The following ABCF1 variants were observed in gnomAD, a reference collection of about 807,000 sequenced individuals.
The protein encoded by ABCF1 is ATP-binding cassette sub-family F member 1.
In ABCF1, 73 loss-of-function variants were observed where a neutral mutation model predicts 126.3. That is an observed-to-expected ratio of 0.58 (90% CI 0.48 to 0.70). ABCF1 has a LOEUF of 0.70. ABCF1 is among the 30% of genes least tolerant of loss of function. The probability of loss-of-function intolerance (pLI) is 0.00; values close to 1 mark genes in which losing one functional copy is unlikely to be tolerated. For synonymous variants in ABCF1, 345 were observed against 396.4 expected (o/e 0.87, Z 1.54); for missense variants, 786 against 1,057.5 (o/e 0.74, Z 3.56).
intron 22 of ABCF1, 68 bp downstream of exon 22, chr6:30,590,042 G>T: frequency 6.2e-7 from 1 of 1,606,008 alleles, no homozygotes; most frequent in Non-Finnish European, 8.5e-7. Context: ...TGTACCTAGA[G>T]GAACCGAGAA....
At chr6:30,582,345 C>G (rs780347428) in intron 8 of ABCF1, 49 bp from the exon 9 acceptor site, 4 of 1,258,298 alleles carry the variant, frequency 3.2e-6, no homozygotes, top group Non-Finnish European at 4.5e-6. Flanking sequence ...CGTGAGCCAC[C>G]GCGCCCAGCC....
Position 30,590,923 on chromosome 6 carries a change from G to T in ABCF1, c.*222G>T, listed in dbSNP as rs1042574348. The T allele has an allele frequency of 6.7e-5, 34 of 504,896 alleles. 1 individual carries two copies. In the Admixed American group the frequency reaches 8.5e-4, roughly 13 times the overall value. 31.3% of individuals were successfully genotyped at this position (504,896 alleles called of 1,614,324 possible). The stretch of plus-strand genomic sequence containing the variant: ...CTGCTTCTCTTCATATAACTGAGCT[G>T]GCCTTATCCTTGGCATCCCCCTAAA... On this transcript the variant is annotated 3_prime_UTR_variant, in exon 25 of 25. Transcript: ENST00000326195.
At chr6:30,576,772 A>G (rs1418964037) in intron 1 of ABCF1, among the ~76,000 whole-genome samples, 1 of 152,142 alleles carries the variant, frequency 6.6e-6, no homozygotes, top group Non-Finnish European at 1.5e-5. Flanking sequence ...GATCATACCA[A>G]TAAAGTCCCC....
At chr6:30,581,215 C>A (rs994265003) in intron 8 of ABCF1, among the ~76,000 whole-genome samples, 12 of 152,046 alleles carry the variant, frequency 7.9e-5, no homozygotes, top group Non-Finnish European at 7.4e-5. Flanking sequence ...TGATCTGGGT[C>A]CTGGCTCTGC....
chr6:30,585,439 G>A, intron 15 of ABCF1, 96 bp downstream of exon 15: 1 of 1,573,194 alleles, frequency 6.4e-7, no homozygotes, highest in African/African-American at 1.4e-5. Flanking sequence ...CACTGTGCCT[G>A]TGAGTGGAGC....
Position 30,583,137 on chromosome 6 carries a change from G to C in ABCF1, c.864G>C (p.Gln288His), listed in dbSNP as rs372699135. The C allele has an allele frequency of 7.4e-6, 12 of 1,611,440 alleles. No individual in the cohort carries two copies. In the African/African-American group the frequency reaches 1.6e-4, roughly 22 times the overall value. Residue 288 changes from glutamine to histidine, a missense_variant, in exon 10 of 25, where the codon CAG (glutamine) becomes CAC (histidine). Around this residue, in one of 4 missense-constraint regions of ABCF1, gnomAD observed 163 missense variants for 255.3 expected, o/e 0.64. Transcript: ENST00000326195. This position sits in a 1 kb window ranked among gnomAD's most constrained non-coding sequence, Gnocchi z 4.1. ...NAAENDFSVSQAEMSSRQAML... is the reference protein window; with the variant it reads ...NAAENDFSVSHAEMSSRQAML... ...CTGAAAATGACTTCTCCGTGTCCCA[G>C]GCGGAGATGTCCTCCCGCCAAGCCA... is the stretch of plus-strand genomic sequence containing the variant.
chr6:30,586,774 A>G lies in ABCF1; in HGVS notation c.2031+63A>G. On this transcript the variant is annotated intron_variant, in intron 20 of 24. Transcript: ENST00000326195. The surrounding 1 kb of genome is among the most constrained non-coding windows in gnomAD (Gnocchi z 4.9). ...GTGAAGACACAGCTGCTTTTGCCAG[A>G]AGCTGGAATCAGGGAGCCTCTCGAG... The G allele has an allele frequency of 6.4e-7, 1 of 1,561,644 alleles. No individual in the cohort carries two copies. Among genetic ancestry groups the G allele is most frequent in the East Asian group, 2.2e-5 (1 of 44,584 alleles).
chr6:30,585,459 A>G, intron 15 of ABCF1, 99 bp from the exon 16 acceptor site: 1 of 1,570,210 alleles, frequency 6.4e-7, no homozygotes, highest in Non-Finnish European at 8.7e-7. Flanking sequence ...CTCTATTCAG[A>G]CCCCCCTTTC....
rs772111032 is a variant in ABCF1 at position 30,589,841 on chromosome 6, G to A, written c.2100G>A (p.Gln700=). ...TCTTCAACCAGCAGTATGCAGAGCAGCTGCGCATGGAGGAGACGCCCACTG... is the reference window on the plus strand; with the variant it reads ...TCTTCAACCAGCAGTATGCAGAGCAACTGCGCATGGAGGAGACGCCCACTG... The part of the protein sequence containing the change: ...IGFFNQQYAE[Q]LRMEETPTEY... Residue 700 remains glutamine (Q), a synonymous_variant, in exon 22 of 25, where the codon CAG becomes CAA. Transcript: ENST00000326195. 1.2e-6 allele frequency: 2 copies of A among 1,614,074 alleles called. No individual in the cohort carries two copies. Among genetic ancestry groups the A allele is most frequent in the African/African-American group, 2.7e-5 (2 of 74,938 alleles).
chr6:30,578,109 C>T lies in ABCF1; in HGVS notation c.250C>T (p.Arg84Trp), dbSNP rs758747187. 3.5e-5 allele frequency: 56 copies of T among 1,613,636 alleles called. No homozygotes were observed. The highest frequency in any genetic ancestry group is 3.6e-5 in the Non-Finnish European group (43 of 1,179,932). ...AAAGCGAGATACCCGAAAAGGCAGG[C>T]GGAAGAAGGATGTGGATGATGATGG... ...KKKRDTRKGR[R>W]KKDVDDDGEE... Residue 84 changes from arginine to tryptophan, a missense_variant, in exon 4 of 25, where the codon CGG becomes TGG. Around this residue, in one of 4 missense-constraint regions of ABCF1, gnomAD observed 322 missense variants for 322.9 expected, o/e 1.00. Transcript: ENST00000326195.
At chr6:30,582,206 G>A (rs181858207) in intron 8 of ABCF1, among the ~76,000 whole-genome samples, 188 bp from the exon 9 acceptor site, 71 of 152,024 alleles carry the variant, frequency 4.7e-4, no homozygotes, top group Admixed American at 1.3e-3. Context: ...ACAGGCGCCC[G>A]CCACCACGTC....
Position 30,586,884 on chromosome 6 carries a change from C to T in ABCF1, c.2031+173C>T, listed in dbSNP as rs558394940. 6.6e-6 allele frequency among the ~76,000 whole-genome samples: 1 copy of T among 152,124 alleles called. No individual in the cohort carries two copies. The highest frequency in any genetic ancestry group is 2.4e-5 in the African/African-American group (1 of 41,420). On this transcript the variant is annotated intron_variant, in intron 20 of 24. Transcript: ENST00000326195. This position sits in a 1 kb window ranked among gnomAD's most constrained non-coding sequence, Gnocchi z 4.9. ...GAGGAGGAAAGAGCTTAGATCAGTT[C>T]AGGGGGGAGAGCTAAGAGAATTAAG...
chr6:30,576,453 A>G (rs1441073932), intron 1 of ABCF1, among the ~76,000 whole-genome samples: 5 of 151,528 alleles, frequency 3.3e-5, no homozygotes, highest in Non-Finnish European at 7.4e-5. Flanking sequence ...ATGCCTGGCT[A>G]ATTTTTTGTA....
At chr6:30,581,811 G>A (rs1489188370) in intron 8 of ABCF1, among the ~76,000 whole-genome samples, 1 of 152,122 alleles carries the variant, frequency 6.6e-6, no homozygotes, top group Non-Finnish European at 1.5e-5. Flanking sequence ...CATTGTATTG[G>A]GAGTTACATT....
At chr6:30,575,312 C>T (rs1289799964) in intron 1 of ABCF1, among the ~76,000 whole-genome samples, 1 of 151,944 alleles carries the variant, frequency 6.6e-6, no homozygotes, top group Non-Finnish European at 1.5e-5. Context: ...TTGTGATCCA[C>T]CCACCTTGGC....
intron 1 of ABCF1, among the ~76,000 whole-genome samples, chr6:30,575,810 C>T (rs1801467220): frequency 6.6e-6 from 1 of 152,086 alleles, no homozygotes; most frequent in Non-Finnish European, 1.5e-5. Context: ...TGGCTCAGGC[C>T]TATAATTCCA....
Position 30,584,603 on chromosome 6 carries a change from C to G in ABCF1, c.1391+37C>G. The G allele has an allele frequency of 1.3e-6, 2 of 1,553,136 alleles. No individual in the cohort carries two copies. The highest frequency in any genetic ancestry group is 4.5e-5 in the East Asian group (2 of 44,396). Reference sequence around the variant, plus strand: ...ACCTCACTGCCCTCCCTTCCAGCCTCAGACCACCGGGGCCCTTTTCCTCTT... The same window carrying G: ...ACCTCACTGCCCTCCCTTCCAGCCTGAGACCACCGGGGCCCTTTTCCTCTT... On this transcript the variant is annotated intron_variant, in intron 14 of 24. Coordinates refer to ENST00000326195, the MANE Select transcript of ABCF1 (RefSeq NM_001025091.2). This position sits in a 1 kb window ranked among gnomAD's most constrained non-coding sequence, Gnocchi z 4.6.
intron 7 of ABCF1, 64 bp from the exon 8 acceptor site, chr6:30,580,342 G>C: frequency 1.8e-6 from 2 of 1,092,172 alleles, no homozygotes; most frequent in Non-Finnish European, 2.4e-6. Context: ...GCGAGACTCC[G>C]TCTCAAAAAA....
chr6:30,590,900 G>A lies in ABCF1; in HGVS notation c.*199G>A, dbSNP rs1802419923. The A allele has an allele frequency of 1.8e-6, 1 of 567,500 alleles. No individual in the cohort carries two copies. Among genetic ancestry groups the A allele is most frequent in the African/African-American group, 1.9e-5 (1 of 52,686 alleles). The allele number at this position is 567,500 out of a possible 1,614,324, so 35.2% of individuals were successfully genotyped here. A position where few individuals can be genotyped will look rare whatever the true frequency, so the allele number is the denominator to read the frequency against. On this transcript the variant is annotated 3_prime_UTR_variant, in exon 25 of 25. Coordinates refer to ENST00000326195, the MANE Select transcript of ABCF1 (RefSeq NM_001025091.2). ...TTTCTCTGAAAGACTTGTTTGTTCTGCTTCTCTTCATATAACTGAGCTGGC... is the reference window on the plus strand; with the variant it reads ...TTTCTCTGAAAGACTTGTTTGTTCTACTTCTCTTCATATAACTGAGCTGGC...
Sources: gnomAD v4.1 joint callset for allele counts (sites outside exome capture counted in the v4.1 genomes callset) on GRCh38, gnomAD v4.1.1 for gene constraint, gnomAD v4.1.1 regional missense constraint, Gnocchi (gnomAD v3.1) non-coding constraint, MANE v1.5 for transcripts, NCBI Gene and HGNC (gene_info 2026-07-23, HGNC 2026-07-21) for gene names.